TFB2M: variants seen among roughly 807,000 people sequenced by gnomAD.
TFB2M encodes the protein dimethyladenosine transferase 2, mitochondrial.
In TFB2M, 44 loss-of-function variants were observed where a neutral mutation model predicts 41.3. The observed-to-expected ratio is 1.07, with a 90% CI of 0.84 to 1.37. The LOEUF (loss-of-function observed/expected upper bound fraction) is 1.37, where lower values mean the gene tolerates loss of function less well. Among genes scored for constraint, TFB2M ranks in the 40% most tolerant of loss-of-function variants. The pLI, the probability that TFB2M is intolerant of heterozygous loss-of-function variation, is 0.00. For missense variants in TFB2M, 496 were observed against 490.2 expected (o/e 1.01, Z -0.11); for synonymous variants, 188 against 176.8 (o/e 1.06, Z -0.50).
intron 6 of TFB2M, among the ~76,000 whole-genome samples, 166 bp from the exon 7 acceptor site, chr1:246,544,847 C>A (rs559659710): frequency 2.0e-5 from 3 of 152,230 alleles, no homozygotes; most frequent in African/African-American, 7.2e-5. Flanking sequence ...ACTCTGTCGC[C>A]CAGGCTGGAG....
At chr1:246,542,951 A>G (rs3124113) in intron 7 of TFB2M, among the ~76,000 whole-genome samples, 26,330 of 112,800 alleles carry the variant, frequency 0.23, 3,377 homozygotes, top group Middle Eastern at 0.47. Context: ...ACCCAGGCTC[A>G]TCTCAAAGTC....
At chr1:246,545,602 C>T (rs1284248954) in intron 6 of TFB2M, among the ~76,000 whole-genome samples, 1 of 151,828 alleles carries the variant, frequency 6.6e-6, no homozygotes, top group Non-Finnish European at 1.5e-5. Context: ...CGCTTGAGCC[C>T]AGGAGTTCAA....
At chr1:246,548,225 T>A (rs926267686) in intron 6 of TFB2M, among the ~76,000 whole-genome samples, 1 of 152,220 alleles carries the variant, frequency 6.6e-6, no homozygotes, top group Non-Finnish European at 1.5e-5. Flanking sequence ...TAAAATTTTG[T>A]TTCTAATTAA....
At chr1:246,554,330 T>C (rs1484298253) in intron 4 of TFB2M, among the ~76,000 whole-genome samples, 1 of 152,188 alleles carries the variant, frequency 6.6e-6, no homozygotes, top group African/African-American at 2.4e-5. Context: ...GTCCGTGTCC[T>C]GTTAGAAACT....
chr1:246,565,717 AAAG>A, intron 1 of TFB2M, 106 bp downstream of exon 1: 1 of 1,244,294 alleles, frequency 8.0e-7, no homozygotes, highest in Non-Finnish European at 1.1e-6. Context: ...TCTCAAAGCA[AAAG>A]AACAACAAAA....
intron 6 of TFB2M, among the ~76,000 whole-genome samples, chr1:246,544,994 A>T (rs552395575): frequency 1.6e-4 from 25 of 151,814 alleles, no homozygotes; most frequent in Non-Finnish European, 3.2e-4. Context: ...TTTAGTAGAG[A>T]TGGGGTTTCA....
At chr1:246,547,396 C>T (rs559054940) in intron 6 of TFB2M, among the ~76,000 whole-genome samples, 1 of 152,134 alleles carries the variant, frequency 6.6e-6, no homozygotes, top group African/African-American at 2.4e-5. Flanking sequence ...TGGATAAGTC[C>T]CCAATAGTAT....
At chr1:246,544,397 A>G (rs1658942410) in intron 7 of TFB2M, 124 bp downstream of exon 7, 2 of 876,012 alleles carry the variant, frequency 2.3e-6, no homozygotes, top group Non-Finnish European at 3.5e-6. Context: ...ATTATTTTGA[A>G]GAAATATGAG....
In TFB2M at chr1:246,545,060, CT is replaced by C. The variant is rs1291512797; in HGVS notation, c.859-380del. 2.2e-5 allele frequency among the ~76,000 whole-genome samples: 3 copies of C among 135,578 alleles called. No individual in the cohort carries two copies. The Admixed American group carries it at 2.4e-4, about 11-fold the overall frequency. 88.9% of individuals were successfully genotyped at this position (135,578 alleles called of 152,430 possible). Reference sequence around the variant, plus strand: ...GACCTCGTGATCCGCCCGCCTCGGCCTCCCCAAAGTGCTGGGATTACAGGCG... The same window carrying C: ...GACCTCGTGATCCGCCCGCCTCGGCCCCCCAAAGTGCTGGGATTACAGGCG... On this transcript the variant is annotated intron_variant, in intron 6 of 7. Coordinates refer to ENST00000366514, the MANE Select transcript of TFB2M (RefSeq NM_022366.3).
rs889933310 is a variant in TFB2M, at chr1:246,542,866, TTAGTCTATTGCCTTTTAC to T, written c.1019+1637_1019+1654del. 2.0e-5 allele frequency among the ~76,000 whole-genome samples: 3 copies of T among 151,768 alleles called. No individual in the cohort carries two copies. The Admixed American group carries it at 2.0e-4, about 10-fold the overall frequency. On this transcript the variant is annotated intron_variant, in intron 7 of 7. Transcript: ENST00000366514. ...ATGAAAAATAATAGATTGCCTTTTA[TTAGTCTATTGCCTTTTAC>T]TAGTCTATTACCACTTTTTTTTTTT...
intron 2 of TFB2M, among the ~76,000 whole-genome samples, chr1:246,562,832 G>C (rs1270341190): frequency 6.6e-6 from 1 of 152,058 alleles, no homozygotes; most frequent in South Asian, 2.1e-4. Flanking sequence ...GCTAAGTTTT[G>C]TATTTTTAGT....
At chr1:246,558,079 G>C (rs750678305) in intron 2 of TFB2M, among the ~76,000 whole-genome samples, 1 of 151,720 alleles carries the variant, frequency 6.6e-6, no homozygotes, top group Non-Finnish European at 1.5e-5. Flanking sequence ...TACCTGAAAA[G>C]TGGCAAAAGT....
chr1:246,563,504 T>C (rs1167725711), intron 2 of TFB2M, among the ~76,000 whole-genome samples: 1 of 151,722 alleles, frequency 6.6e-6, no homozygotes, highest in Non-Finnish European at 1.5e-5. Context: ...CTTGGGAGGC[T>C]GAGGCAGGAG....
In TFB2M at chr1:246,548,597, G is replaced by A; in HGVS notation, c.806C>T (p.Ser269Leu). ...EIKVLHMEPW[S>L]SFDIYTRKGP... ...TTTCCGGGTGTATATATCAAATGAT[G>A]ACCAAGGCTCCTGGGGAAGAAAAAC... is the stretch of plus-strand genomic sequence containing the variant. The change falls in exon 6 of 8, where the codon TCA becomes TTA. Residue 269 changes from serine to leucine, a missense_variant. Transcript: ENST00000366514. 6.2e-7 allele frequency: 1 copy of A among 1,613,000 alleles called. No homozygotes were observed.
At chr1:246,546,625 TAAATAAA>T (rs146586881) in intron 6 of TFB2M, among the ~76,000 whole-genome samples, 2,678 of 112,028 alleles carry the variant, frequency 0.024, 31 homozygotes, top group East Asian at 0.065. Context: ...AAAAAATAAA[TAAATAAA>T]AAATAAAAAA....
chr1:246,555,169 T>A (rs962785970), intron 4 of TFB2M, among the ~76,000 whole-genome samples: 4 of 152,118 alleles, frequency 2.6e-5, no homozygotes, highest in African/African-American at 9.7e-5. Context: ...GGAGAGGTAT[T>A]ACCAAAAACC....
At chr1:246,546,234 C>A (rs1659015756) in intron 6 of TFB2M, among the ~76,000 whole-genome samples, 1 of 151,084 alleles carries the variant, frequency 6.6e-6, no homozygotes, top group Non-Finnish European at 1.5e-5. Context: ...TCACTTGAGT[C>A]CCGGGAGTTT....
chr1:246,541,337 G>T, intron 7 of TFB2M, 135 bp from the exon 8 acceptor site: 1 of 772,180 alleles, frequency 1.3e-6, no homozygotes, highest in South Asian at 1.9e-5. Flanking sequence ...GGACACGGGA[G>T]AATCAGCAGG....
In TFB2M at chr1:246,540,914, C is replaced by T; in HGVS notation, c.*117G>A. 2.1e-6 allele frequency: 2 copies of T among 952,402 alleles called. No homozygotes were observed. Among genetic ancestry groups the T allele is most frequent in the African/African-American group, 1.7e-5 (1 of 59,960 alleles). The allele number at this position is 952,402 out of a possible 1,614,324, so 59.0% of individuals were successfully genotyped here. A position where few individuals can be genotyped will look rare whatever the true frequency, so the allele number is the denominator to read the frequency against. ...AGCTTAGGAGAAATGATCTGCCTGG[C>T]TTGTGCAAGACAAGAACAGTTACCT... is the stretch of plus-strand genomic sequence containing the variant. On this transcript the variant is annotated 3_prime_UTR_variant, in exon 8 of 8. Transcript: ENST00000366514.
Sources: allele counts gnomAD v4.1 joint callset (sites outside exome capture counted in the v4.1 genomes callset), GRCh38; gene constraint gnomAD v4.1.1; transcripts MANE v1.5; gene names NCBI Gene and HGNC (gene_info 2026-07-23, HGNC 2026-07-21).